Variants in DLC1 observed in about 807,000 individuals in gnomAD.
The protein encoded by DLC1 is DLC1 Rho GTPase activating protein, also known as rho GTPase-activating protein 7.
DLC1 carries 54 observed loss-of-function variants against 140.3 expected under a neutral mutation model. The ratio of observed to expected loss-of-function variants is 0.38; its 90% CI spans 0.31 to 0.48. DLC1 has a LOEUF of 0.48. Among genes scored for constraint, DLC1 ranks in the 20% least tolerant of loss-of-function variants. DLC1 has a pLI of 0.96. For missense variants in DLC1, 2,536 were observed against 1,907.0 expected (o/e 1.33, Z -6.14); for synonymous variants, 986 against 728.1 (o/e 1.35, Z -5.70).
rs80141115 is a variant in DLC1, at chr8:13,477,446, C to G, written c.1023+21603G>C. On this transcript the variant is annotated intron_variant, in intron 2 of 17. Transcript: ENST00000276297. ...TACATTGTATTTCTATAAGACTTTG[C>G]TATAGTAGTGAGAGTAGGGCTTCAA... is the stretch of plus-strand genomic sequence containing the variant. Among the ~76,000 whole-genome samples, 45 of 152,190 alleles carry G rather than the reference C, an allele frequency of 3.0e-4. 1 individual carries two copies. The East Asian group carries it at 4.7e-3, about 16-fold the overall frequency.
At chr8:13,476,195 T>G (rs914579815) in intron 2 of DLC1, among the ~76,000 whole-genome samples, 11 of 152,224 alleles carry the variant, frequency 7.2e-5, no homozygotes, top group Non-Finnish European at 1.5e-4. Context: ...CTGATTAGCA[T>G]CACTCATTGC....
At chr8:13,368,630 T>G (rs1436924584) in intron 4 of DLC1, among the ~76,000 whole-genome samples, 1 of 152,000 alleles carries the variant, frequency 6.6e-6, no homozygotes, top group Non-Finnish European at 1.5e-5. Context: ...CAAGTTGACA[T>G]GCATCATTCC....
In DLC1 at chr8:13,462,482, C is replaced by A. The variant is rs540565543; in HGVS notation, c.1023+36567G>T. 2.6e-5 allele frequency among the ~76,000 whole-genome samples: 4 copies of A among 150,998 alleles called. No individual in the cohort carries two copies. The East Asian group carries it at 7.9e-4, about 30-fold the overall frequency. On this transcript the variant is annotated intron_variant, in intron 2 of 17. Transcript: ENST00000276297. ...GCAGTGGCGCGATCTTGGCTCACTG[C>A]AAGCTCCGCCTCCCAGGTTCACGCC... is the stretch of plus-strand genomic sequence containing the variant.
At chr8:13,188,807 A>ATATATATATATATATATATGTATATG (rs1826548307) in intron 5 of DLC1, among the ~76,000 whole-genome samples, 1 of 36,896 alleles carries the variant, frequency 2.7e-5, no homozygotes, top group Admixed American at 2.9e-4. Flanking sequence ...GTGTGTATAT[A>ATATATATATATATATATATGTATATG]TATATATATA....
At chr8:13,132,076 G>A (rs1822142538) in intron 5 of DLC1, among the ~76,000 whole-genome samples, 1 of 152,142 alleles carries the variant, frequency 6.6e-6, no homozygotes, top group Non-Finnish European at 1.5e-5. Context: ...CGGGAGGCGA[G>A]CTTCCTTCCT....
chr8:13,349,218 C>G (rs567928847), intron 4 of DLC1, among the ~76,000 whole-genome samples: 1 of 152,016 alleles, frequency 6.6e-6, no homozygotes, highest in Admixed American at 6.6e-5. Context: ...GGTTGTTGCA[C>G]GAGTCCCTAG....
chr8:13,404,627 C>A (rs533439255), intron 2 of DLC1, among the ~76,000 whole-genome samples: 4 of 152,052 alleles, frequency 2.6e-5, no homozygotes, highest in African/African-American at 9.7e-5. Flanking sequence ...ATTAACATTA[C>A]TAAGGAATTA....
intron 5 of DLC1, among the ~76,000 whole-genome samples, chr8:13,120,164 GA>G (rs1431625652): frequency 1.3e-5 from 2 of 150,710 alleles, no homozygotes; most frequent in East Asian, 1.9e-4. Context: ...CCAACACGGT[GA>G]AACCCCGTCC....
intron 1 of DLC1, 43 bp from the exon 2 acceptor site, chr8:13,500,239 CT>C (rs1310010635): frequency 3.4e-6 from 2 of 579,894 alleles, no homozygotes; most frequent in Non-Finnish European, 5.9e-6. Flanking sequence ...AGATACGTTT[CT>C]AAAGTCAAAA....
chr8:13,343,863 T>A (rs1359467367), intron 4 of DLC1, among the ~76,000 whole-genome samples: 1 of 152,196 alleles, frequency 6.6e-6, no homozygotes, highest in African/African-American at 2.4e-5. Flanking sequence ...AAGGCTACAG[T>A]AGGTGAATCT....
At chr8:13,340,863 T>C (rs1834008930) in intron 4 of DLC1, 1 of 152,224 alleles carries the variant, frequency 6.6e-6, no homozygotes, top group African/African-American at 2.4e-5. Flanking sequence ...AGATATATAA[T>C]TCTTGGAAAG....
At chr8:13,394,365 T>G (rs1339575861) in intron 3 of DLC1, among the ~76,000 whole-genome samples, 2 of 152,220 alleles carry the variant, frequency 1.3e-5, no homozygotes, top group African/African-American at 4.8e-5. Flanking sequence ...TAATTTTCAT[T>G]AAATGCTAGC....
At chr8:13,368,115 A>C (rs1423966796) in intron 4 of DLC1, among the ~76,000 whole-genome samples, 1 of 152,184 alleles carries the variant, frequency 6.6e-6, no homozygotes, top group African/African-American at 2.4e-5. Flanking sequence ...ATCCAGTAAT[A>C]TGTAAAGTGG....
Position 13,090,236 on chromosome 8 carries a change from C to T in DLC1, c.4074+16G>A. 6.2e-7 allele frequency: 1 copy of T among 1,609,022 alleles called. No homozygotes were observed. Among genetic ancestry groups the T allele is most frequent in the African/African-American group, 1.3e-5 (1 of 74,842 alleles). The stretch of plus-strand genomic sequence containing the variant: ...ACTCCTGGACTCAACTAGCCGACAA[C>T]AGGGTGAAGCCTTACCTTCTTATAG... On this transcript the variant is annotated intron_variant, in intron 15 of 17. Transcript: ENST00000276297.
rs542173889 is a variant in DLC1, at chr8:13,474,419, G to A, written c.1023+24630C>T. On this transcript the variant is annotated intron_variant, in intron 2 of 17. Transcript: ENST00000276297. ...GCCCTCCTGGAGAACTTCTGCTAGGGCAGTGCAGAAGGAAAATGTGGGGTC... is the reference window on the plus strand; with the variant it reads ...GCCCTCCTGGAGAACTTCTGCTAGGACAGTGCAGAAGGAAAATGTGGGGTC... Among the ~76,000 whole-genome samples the A allele has an allele frequency of 1.1e-4, 16 of 152,326 alleles. No homozygotes were observed. In the East Asian group the frequency reaches 2.5e-3, roughly 24 times the overall value.
chr8:13,242,853 T>C (rs1455092612), intron 5 of DLC1, among the ~76,000 whole-genome samples: 1 of 152,132 alleles, frequency 6.6e-6, no homozygotes, highest in African/African-American at 2.4e-5. Context: ...AATTTTTTTT[T>C]TACCAGTTTA....
intron 4 of DLC1, among the ~76,000 whole-genome samples, chr8:13,336,876 A>G (rs1413115860): frequency 7.4e-6 from 1 of 134,870 alleles, no homozygotes; most frequent in African/African-American, 2.7e-5. Flanking sequence ...TTAACACATT[A>G]AGACTGATGT....
intron 2 of DLC1, among the ~76,000 whole-genome samples, chr8:13,420,757 A>G (rs1232596997): frequency 6.6e-6 from 1 of 152,128 alleles, no homozygotes; most frequent in Non-Finnish European, 1.5e-5. Flanking sequence ...ATGACTGCAT[A>G]GTATTCTGTG....
chr8:13,163,585 T>G (rs1313337737), intron 5 of DLC1, among the ~76,000 whole-genome samples: 1 of 152,076 alleles, frequency 6.6e-6, no homozygotes, highest in Non-Finnish European at 1.5e-5. Context: ...TACATTGTGG[T>G]GGCTAAAACA....
Sources: gnomAD v4.1 joint callset for allele counts (sites outside exome capture counted in the v4.1 genomes callset) on GRCh38, gnomAD v4.1.1 for gene constraint, MANE v1.5 for transcripts, NCBI Gene and HGNC (gene_info 2026-07-23, HGNC 2026-07-21) for gene names.